Variants in STXBP6 observed in about 807,000 individuals in gnomAD.
STXBP6 encodes syntaxin-binding protein 6.
A neutral mutation model predicts 26.9 loss-of-function variants in STXBP6; 21 were observed. That is an observed-to-expected ratio of 0.78 (90% CI 0.55 to 1.12). The LOEUF (loss-of-function observed/expected upper bound fraction) is 1.12, where lower values mean the gene tolerates loss of function less well. Ranked by LOEUF, STXBP6 falls within the 50% of genes most tolerant of loss-of-function variation. The pLI, the probability that STXBP6 is intolerant of heterozygous loss-of-function variation, is 0.00. For missense variants in STXBP6, 232 were observed against 257.9 expected (o/e 0.90, Z 0.69); for synonymous variants, 97 against 92.6 (o/e 1.05, Z -0.27).
In STXBP6 at chr14:24,843,336, C is replaced by T. The variant is rs748677502; in HGVS notation, c.451+12600G>A. ...ATAAATACAGACGACTGTACTTCTA[C>T]TGTATCTGACCTAAGGGACACTCAA... On this transcript the variant is annotated intron_variant, in intron 4 of 5. Coordinates refer to ENST00000323944, the MANE Select transcript of STXBP6 (RefSeq NM_001394410.1). 3.0e-4 allele frequency among the ~76,000 whole-genome samples: 45 copies of T among 152,156 alleles called. 1 individual carries two copies. Among genetic ancestry groups the T allele is most frequent in the Non-Finnish European group, 7.3e-5 (5 of 68,034 alleles).
chr14:24,916,165 T>TA (rs2071757981), intron 2 of STXBP6, among the ~76,000 whole-genome samples: 2 of 152,200 alleles, frequency 1.3e-5, no homozygotes, highest in East Asian at 3.9e-4. Flanking sequence ...GGGTTTAGGG[T>TA]AAATATGAGT....
At chr14:25,001,119 T>C (rs1011178850) in intron 1 of STXBP6, among the ~76,000 whole-genome samples, 13 of 152,154 alleles carry the variant, frequency 8.5e-5, no homozygotes, top group African/African-American at 3.1e-4. Context: ...GACGGAGGCT[T>C]TTTCTCTTGG....
rs75271161 is a variant in STXBP6 at position 25,029,149 on chromosome 14, T to C, written c.-33+20729A>G. On this transcript the variant is annotated intron_variant, in intron 1 of 5. Coordinates refer to ENST00000323944, the MANE Select transcript of STXBP6 (RefSeq NM_001394410.1). The stretch of plus-strand genomic sequence containing the variant: ...CAGCAGCAGCAGAGTTTGAAAGGAT[T>C]GATTCCAATTTTGACAGAAGTTCTA... Among the ~76,000 whole-genome samples, 642 of 152,302 alleles carry C rather than the reference T, an allele frequency of 4.2e-3. 13 individuals carry two copies. The East Asian group carries it at 0.043, about 10-fold the overall frequency.
chr14:24,987,079 AT>A (rs947925529), intron 1 of STXBP6, among the ~76,000 whole-genome samples: 1 of 152,204 alleles, frequency 6.6e-6, no homozygotes, highest in African/African-American at 2.4e-5. Flanking sequence ...GGAAAAAAAA[AT>A]CTATCAATTG....
rs573811697 is a variant in STXBP6, at chr14:24,876,793, C to T, written c.155-19636G>A. The stretch of plus-strand genomic sequence containing the variant: ...ACTTACTGGATTTTAACAGCTTCAA[C>T]TGGTAATGTTTAAGAACATTAAAAA... On this transcript the variant is annotated intron_variant, in intron 2 of 5. Transcript: ENST00000323944. Among the ~76,000 whole-genome samples the T allele has an allele frequency of 2.6e-5, 4 of 152,282 alleles. No homozygotes were observed. In the East Asian group the frequency reaches 7.7e-4, roughly 29 times the overall value.
At chr14:24,850,796 A>C (rs854318) in intron 4 of STXBP6, among the ~76,000 whole-genome samples, 11,940 of 152,212 alleles carry the variant, frequency 0.078, 560 homozygotes, top group East Asian at 0.19. Context: ...GAAGGATGAC[A>C]TACAACAGGT....
At chr14:25,004,608 G>C (rs749550702) in intron 1 of STXBP6, among the ~76,000 whole-genome samples, 14 of 152,356 alleles carry the variant, frequency 9.2e-5, no homozygotes, top group Admixed American at 9.1e-4. Context: ...TTTGGTTCCA[G>C]TGGGAGTCCC....
At chr14:24,871,682 T>C (rs1469648041) in intron 2 of STXBP6, among the ~76,000 whole-genome samples, 1 of 152,222 alleles carries the variant, frequency 6.6e-6, no homozygotes, top group African/African-American at 2.4e-5. Flanking sequence ...TTTCAAGCCA[T>C]GGCCCACTAC....
intron 2 of STXBP6, among the ~76,000 whole-genome samples, chr14:24,872,774 C>A (rs190101609): frequency 6.6e-6 from 1 of 152,336 alleles, no homozygotes; most frequent in East Asian, 1.9e-4. Flanking sequence ...GATGCCTTCA[C>A]AGCCACCTCC....
At chr14:24,902,497 T>C (rs2071249272) in intron 2 of STXBP6, among the ~76,000 whole-genome samples, 1 of 152,204 alleles carries the variant, frequency 6.6e-6, no homozygotes, top group Admixed American at 6.5e-5. Flanking sequence ...TTGCCTACCA[T>C]AGATGCTTCG....
intron 2 of STXBP6, among the ~76,000 whole-genome samples, chr14:24,966,208 T>A (rs1040467699): frequency 2.0e-5 from 3 of 152,146 alleles, no homozygotes; most frequent in Non-Finnish European, 2.9e-5. Flanking sequence ...AGTATTGGAA[T>A]GCATACATGA....
At chr14:25,018,702 A>G (rs1236997096) in intron 1 of STXBP6, among the ~76,000 whole-genome samples, 1 of 152,120 alleles carries the variant, frequency 6.6e-6, no homozygotes, top group Non-Finnish European at 1.5e-5. Flanking sequence ...ACAGTCACCA[A>G]CCTCTCTAGA....
intron 1 of STXBP6, among the ~76,000 whole-genome samples, chr14:25,046,507 T>A (rs1044161628): frequency 6.6e-6 from 1 of 151,946 alleles, no homozygotes; most frequent in Non-Finnish European, 1.5e-5. Context: ...AATGGACAGC[T>A]GAGATAAAGC....
At chr14:24,997,555 A>G (rs769071123) in intron 1 of STXBP6, among the ~76,000 whole-genome samples, 1 of 152,236 alleles carries the variant, frequency 6.6e-6, no homozygotes, top group Non-Finnish European at 1.5e-5. Context: ...CCTAGTGCTC[A>G]GTATCAAGTC....
intron 1 of STXBP6, among the ~76,000 whole-genome samples, chr14:24,981,789 T>G (rs1321751119): frequency 6.6e-6 from 1 of 152,200 alleles, no homozygotes; most frequent in African/African-American, 2.4e-5. Flanking sequence ...AAAATCATCA[T>G]AAACAACCTA....
rs566656375 is a variant in STXBP6 at position 24,926,701 on chromosome 14, A to G, written c.154+47964T>C. On this transcript the variant is annotated intron_variant, in intron 2 of 5. Coordinates refer to ENST00000323944, the MANE Select transcript of STXBP6 (RefSeq NM_001394410.1). ...GATTGGCGAGTGTAGCATTACGGTT[A>G]AGAGCAGCCTCTGAATCAGGCTGTG... Among the ~76,000 whole-genome samples the G allele has an allele frequency of 2.0e-5, 3 of 152,254 alleles. No individual in the cohort carries two copies. The East Asian group carries it at 5.8e-4, about 29-fold the overall frequency.
chr14:24,850,105 C>T (rs945113318), intron 4 of STXBP6, among the ~76,000 whole-genome samples: 3 of 152,054 alleles, frequency 2.0e-5, no homozygotes, highest in Non-Finnish European at 2.9e-5. Flanking sequence ...CCACACCAAT[C>T]ACTTTTTTTT....
intron 2 of STXBP6, among the ~76,000 whole-genome samples, chr14:24,860,821 C>T (rs2069511405): frequency 6.7e-6 from 1 of 149,644 alleles, no homozygotes; most frequent in Non-Finnish European, 1.5e-5. Context: ...ACAGATTGCA[C>T]CCCCAATAGC....
intron 2 of STXBP6, among the ~76,000 whole-genome samples, chr14:24,936,052 C>G (rs1301764588): frequency 6.6e-6 from 1 of 152,176 alleles, no homozygotes; most frequent in Non-Finnish European, 1.5e-5. Flanking sequence ...TGGCTAGAAC[C>G]AGATGTCTTT....
Sources: allele counts gnomAD v4.1 joint callset (sites outside exome capture counted in the v4.1 genomes callset), GRCh38; gene constraint gnomAD v4.1.1; transcripts MANE v1.5; gene names NCBI Gene and HGNC (gene_info 2026-07-23, HGNC 2026-07-21).